SMARCA2: variants seen among roughly 807,000 people sequenced by gnomAD.
SMARCA2 encodes the protein SWI/SNF related BAF chromatin remodeling complex subunit ATPase 2, also known as SWI/SNF-related matrix-associated actin-dependent regulator of chromatin subfamily A member 2.
Under a neutral mutation model 199.8 loss-of-function variants are expected in SMARCA2, and 61 were observed. The ratio of observed to expected loss-of-function variants is 0.31; its 90% CI spans 0.25 to 0.38. The LOEUF (loss-of-function observed/expected upper bound fraction) is 0.38, where lower values mean the gene tolerates loss of function less well. Among genes scored for constraint, SMARCA2 ranks in the 10% least tolerant of loss-of-function variants. The pLI is 1.00. For synonymous variants in SMARCA2, 935 were observed against 732.0 expected, an observed-to-expected ratio of 1.28 and a Z score of -4.48; for missense variants, 1,344 against 2,012.2, an observed-to-expected ratio of 0.67 and a Z score of 6.35.
At chr9:2,037,604 G>T (rs1008221909) in intron 3 of SMARCA2, among the ~76,000 whole-genome samples, 1 of 152,168 alleles carries the variant, frequency 6.6e-6, no homozygotes, top group Non-Finnish European at 1.5e-5. Context: ...GTTGGTGGCG[G>T]TCATATATTC....
chr9:2,111,107 A>C (rs929598826), intron 24 of SMARCA2, among the ~76,000 whole-genome samples: 2 of 147,516 alleles, frequency 1.4e-5, no homozygotes, highest in African/African-American at 5.1e-5. Flanking sequence ...TTACTCTGGG[A>C]GGTGAGGCAT....
chr9:2,137,823 A>G (rs570944444), intron 27 of SMARCA2, among the ~76,000 whole-genome samples: 165 of 152,262 alleles, frequency 1.1e-3, no homozygotes, highest in African/African-American at 3.7e-3. Context: ...GCTAGGAGGG[A>G]TTTGGTTGCA....
intron 27 of SMARCA2, among the ~76,000 whole-genome samples, chr9:2,125,885 A>C (rs1823669497): frequency 1.3e-5 from 2 of 152,238 alleles, no homozygotes. Context: ...AGCTGAACTT[A>C]ACTTCTTAAA....
chr9:2,041,476 A>G (rs1019703585), intron 4 of SMARCA2: 17 of 398,386 alleles, frequency 4.3e-5, no homozygotes, highest in Non-Finnish European at 6.6e-5. Context: ...CCTCTTTTAC[A>G]AGGGCATGAA....
rs1326993997 is a variant in SMARCA2, at chr9:2,104,547, G to A, written c.3292+378G>A. Among the ~76,000 whole-genome samples the A allele has an allele frequency of 1.3e-5, 2 of 152,100 alleles. No individual in the cohort carries two copies. Among genetic ancestry groups the A allele is most frequent in the South Asian group, 2.1e-4 (1 of 4,818 alleles). On this transcript the variant is annotated intron_variant, in intron 23 of 33. Coordinates refer to ENST00000349721, the MANE Select transcript of SMARCA2 (RefSeq NM_003070.5). This position sits in a 1 kb window ranked among gnomAD's most constrained non-coding sequence, Gnocchi z 4.0. ...TTTCAGTTAAGGCATATTTTAAGGG[G>A]ATAAAGGCTATGTCACTTTTCTTTG...
At chr9:2,070,297 T>G in intron 9 of SMARCA2, 121 bp from the exon 10 acceptor site, 1 of 788,652 alleles carries the variant, frequency 1.3e-6, no homozygotes. Context: ...CATTAACACT[T>G]AAGCTGTGTT....
At chr9:2,069,958 C>T (rs56336822) in intron 9 of SMARCA2, among the ~76,000 whole-genome samples, 1 of 152,030 alleles carries the variant, frequency 6.6e-6, no homozygotes, top group African/African-American at 2.4e-5. Flanking sequence ...CCAGTAGTCC[C>T]CAGTGTCTAT....
chr9:2,110,169 T>C lies in SMARCA2; in HGVS notation c.3293-85T>C, dbSNP rs1173091748. ...GTTAGGAGGAGTCTGGGTATATTTC[T>C]TGAAGGAAGCAAGCCTTTTTGTCTC... On this transcript the variant is annotated intron_variant, in intron 23 of 33. Coordinates refer to ENST00000349721, the MANE Select transcript of SMARCA2 (RefSeq NM_003070.5). This position sits in a 1 kb window ranked among gnomAD's most constrained non-coding sequence, Gnocchi z 4.8. The C allele has an allele frequency of 9.1e-7, 1 of 1,104,470 alleles. No homozygotes were observed. Among genetic ancestry groups the C allele is most frequent in the Non-Finnish European group, 1.3e-6 (1 of 772,144 alleles). The allele number at this position is 1,104,470 out of a possible 1,614,324, so 68.4% of individuals were successfully genotyped here. A position where few individuals can be genotyped will look rare whatever the true frequency, so the allele number is the denominator to read the frequency against.
At chr9:2,192,285 G>T in intron 33 of SMARCA2, 1 of 168,488 alleles carries the variant, frequency 5.9e-6, no homozygotes, top group Non-Finnish European at 1.3e-5. Context: ...TACCATTTTG[G>T]TAAAATTTCA....
At chr9:2,150,684 T>TG (rs1363937500) in intron 27 of SMARCA2, among the ~76,000 whole-genome samples, 1 of 151,592 alleles carries the variant, frequency 6.6e-6, no homozygotes, top group Non-Finnish European at 1.5e-5. Flanking sequence ...AGTTACCCTA[T>TG]GTAATAGTTT....
intron 27 of SMARCA2, among the ~76,000 whole-genome samples, chr9:2,147,781 G>A (rs530640478): frequency 1.3e-5 from 2 of 151,598 alleles, no homozygotes; most frequent in South Asian, 4.2e-4. Context: ...CCGGGAGGCA[G>A]AGGTTGCAGT....
chr9:2,098,415 C>A (rs753422515), intron 21 of SMARCA2, among the ~76,000 whole-genome samples: 1 of 152,150 alleles, frequency 6.6e-6, no homozygotes, highest in African/African-American at 2.4e-5. Context: ...CATGTCAGGT[C>A]AGAGTATTCA....
intron 27 of SMARCA2, among the ~76,000 whole-genome samples, chr9:2,152,627 G>A (rs370218517): frequency 1.8e-4 from 27 of 152,074 alleles, no homozygotes; most frequent in Admixed American, 7.9e-4. Flanking sequence ...TGAGGTGGGC[G>A]GATCACCTGA....
At chr9:2,159,430 C>T (rs1297029569) in intron 27 of SMARCA2, 1 of 204,498 alleles carries the variant, frequency 4.9e-6, no homozygotes, top group African/African-American at 2.3e-5. Context: ...ATCATTTAGA[C>T]TGCTCCAAAC....
chr9:2,025,417 G>A (rs1474132262), intron 1 of SMARCA2, among the ~76,000 whole-genome samples: 4 of 152,062 alleles, frequency 2.6e-5, no homozygotes, highest in Admixed American at 2.6e-4. Flanking sequence ...TCTTTTCTGT[G>A]ACAACGGGAA....
chr9:2,111,336 A>G (rs1257630254), intron 24 of SMARCA2, among the ~76,000 whole-genome samples: 7 of 151,942 alleles, frequency 4.6e-5, no homozygotes, highest in African/African-American at 1.7e-4. Flanking sequence ...AAAAAATACA[A>G]AAATTAGCTG....
At chr9:2,061,911 CT>C (rs1222749175) in intron 9 of SMARCA2, among the ~76,000 whole-genome samples, 2 of 152,188 alleles carry the variant, frequency 1.3e-5, no homozygotes, top group Non-Finnish European at 2.9e-5. Context: ...GCACTGATTT[CT>C]TTAGTATAAG....
intron 12 of SMARCA2, chr9:2,075,484 T>C (rs1018528287): frequency 2.0e-5 from 3 of 152,220 alleles, no homozygotes; most frequent in South Asian, 4.1e-4. Flanking sequence ...GGGAGAGGTA[T>C]TGAATCCTTC....
intron 14 of SMARCA2, among the ~76,000 whole-genome samples, chr9:2,078,622 A>T (rs1405597777): frequency 6.6e-6 from 1 of 152,050 alleles, no homozygotes; most frequent in Admixed American, 6.6e-5. Flanking sequence ...GTTCCATGAG[A>T]CATTTGTTCT....
Sources: gnomAD v4.1 joint callset for allele counts (sites outside exome capture counted in the v4.1 genomes callset) on GRCh38, gnomAD v4.1.1 for gene constraint, Gnocchi (gnomAD v3.1) non-coding constraint, MANE v1.5 for transcripts, NCBI Gene and HGNC (gene_info 2026-07-23, HGNC 2026-07-21) for gene names.